The following NOTCH2 variants were observed in gnomAD, a reference collection of about 807,000 sequenced individuals.
NOTCH2 encodes notch receptor 2.
NOTCH2 carries 29 observed loss-of-function variants against 235.8 expected under a neutral mutation model. The ratio of observed to expected loss-of-function variants is 0.12; its 90% CI spans 0.09 to 0.17. NOTCH2 has a LOEUF of 0.17. Ranked by LOEUF, NOTCH2 falls within the 10% of genes least tolerant of loss-of-function variation. The probability of loss-of-function intolerance (pLI) is 1.00; values close to 1 mark genes in which losing one functional copy is unlikely to be tolerated. For missense variants in NOTCH2, 2,285 were observed against 3,150.2 expected, an observed-to-expected ratio of 0.73 and a Z score of 6.57; for synonymous variants, 1,086 against 1,141.5, an observed-to-expected ratio of 0.95 and a Z score of 0.98.
At chr1:120,023,261 C>T (rs1189671786) in intron 2 of NOTCH2, among the ~76,000 whole-genome samples, 16 of 150,982 alleles carry the variant, frequency 1.1e-4, no homozygotes, top group Admixed American at 3.3e-4. Context: ...CACAGTGAAA[C>T]CCCGTCTCTA....
chr1:119,942,732 C>G (rs1650104269), intron 17 of NOTCH2, among the ~76,000 whole-genome samples: 2 of 152,128 alleles, frequency 1.3e-5, no homozygotes, highest in Admixed American at 6.5e-5. Context: ...TAAAAATACT[C>G]AATATTTTGA....
intron 1 of NOTCH2, among the ~76,000 whole-genome samples, chr1:120,065,161 A>G (rs1284558707): frequency 2.0e-5 from 3 of 152,268 alleles, no homozygotes; most frequent in African/African-American, 7.2e-5. Context: ...ACAAGTTAAA[A>G]TGAAACATCT....
chr1:119,930,531 C>T (rs990833724), intron 22 of NOTCH2, among the ~76,000 whole-genome samples: 1 of 151,916 alleles, frequency 6.6e-6, no homozygotes, highest in African/African-American at 2.4e-5. Flanking sequence ...GTAATCCCAG[C>T]ACTTTGGGAG....
rs1185638983 is a variant in NOTCH2 at position 119,953,676 on chromosome 1, G to A, written c.2232C>T (p.Leu744=). 2 of 1,613,972 alleles carry A rather than the reference G, an allele frequency of 1.2e-6. No individual in the cohort carries two copies. Among genetic ancestry groups the A allele is most frequent in the Middle Eastern group, 1.6e-4 (1 of 6,084 alleles). ...TGATGCCAACCCAGCCTGCATCACAGAGACACTTATATCTGAAAGAAGACA... is the reference window on the plus strand; with the variant it reads ...TGATGCCAACCCAGCCTGCATCACAAAGACACTTATATCTGAAAGAAGACA... ...CTGGLSGYKC[L]CDAGWVGINC... Residue 744 remains leucine, a synonymous_variant, in exon 14 of 34, where the codon CTC becomes CTT. Coordinates refer to ENST00000256646, the MANE Select transcript of NOTCH2 (RefSeq NM_024408.4).
chr1:119,980,993 G>T (rs587615685), intron 5 of NOTCH2, among the ~76,000 whole-genome samples: 3 of 151,918 alleles, frequency 2.0e-5, no homozygotes, highest in African/African-American at 7.3e-5. Flanking sequence ...CATACTTCGG[G>T]TCCAAATCCT....
chr1:119,934,794 A>G (rs782613220), intron 22 of NOTCH2, among the ~76,000 whole-genome samples: 5 of 152,214 alleles, frequency 3.3e-5, no homozygotes, highest in Non-Finnish European at 5.9e-5. Context: ...AGGCCCCAGC[A>G]TAACTACATC....
At chr1:119,930,079 G>A (rs1649603674) in intron 22 of NOTCH2, among the ~76,000 whole-genome samples, 1 of 152,138 alleles carries the variant, frequency 6.6e-6, no homozygotes, top group Non-Finnish European at 1.5e-5. Context: ...TACTCTCTCT[G>A]TTTGTGTAAT....
chr1:119,973,161 C>T (rs587751969), intron 5 of NOTCH2, among the ~76,000 whole-genome samples: 1 of 152,330 alleles, frequency 6.6e-6, no homozygotes, highest in African/African-American at 2.4e-5. Context: ...TAATTAGCTA[C>T]TGGATGGATC....
intron 1 of NOTCH2, among the ~76,000 whole-genome samples, chr1:120,041,087 T>C (rs1654546581): frequency 1.8e-5 from 2 of 108,754 alleles, no homozygotes; most frequent in Non-Finnish European, 3.3e-5. Flanking sequence ...TATATATATA[T>C]ATATTCCTGA....
intron 1 of NOTCH2, among the ~76,000 whole-genome samples, chr1:120,067,685 C>T (rs1655561713): frequency 6.6e-6 from 1 of 152,148 alleles, no homozygotes; most frequent in African/African-American, 2.4e-5. Context: ...CCTCTCTATC[C>T]TAAAGCTACA....
At position 119,913,238 on chromosome 1, in the gene NOTCH2, C is replaced by A. The variant is rs1213789287; in HGVS notation, c.*2068G>T. ...AAAGCAGAGAATGAACAAACTTAAT[C>A]TGCTTATCTCAGGGCAGAAGTAATT... On this transcript the variant is annotated 3_prime_UTR_variant, in exon 34 of 34. Transcript: ENST00000256646. 2 of 233,158 alleles carry A rather than the reference C, an allele frequency of 8.6e-6. No individual in the cohort carries two copies. The highest frequency in any genetic ancestry group is 1.7e-5 in the Non-Finnish European group (2 of 118,042). The allele number at this position is 233,158 out of a possible 1,614,324, so 14.4% of individuals were successfully genotyped here.
chr1:119,969,970 T>G (rs998185996), intron 5 of NOTCH2, among the ~76,000 whole-genome samples: 2 of 152,132 alleles, frequency 1.3e-5, no homozygotes, highest in Non-Finnish European at 2.9e-5. Context: ...CGTTAGAAAC[T>G]CTAACAACAT....
Position 119,923,977 on chromosome 1 carries a change from T to C in NOTCH2, c.4519A>G (p.Lys1507Glu), listed in dbSNP as rs775624126. ...TCTTTGAAGTGGTCTGCACAGTATTTGTCATACCTAGGTAAGGGGAAGCAG... is the reference window on the plus strand; with the variant it reads ...TCTTTGAAGTGGTCTGCACAGTATTCGTCATACCTAGGTAAGGGGAAGCAG... Reference protein sequence around the residue: ...QGNSKTCKYDKYCADHFKDNH... With the variant: ...QGNSKTCKYDEYCADHFKDNH... Residue 1507 changes from lysine to glutamate, a missense_variant, in exon 26 of 34, where the codon AAA becomes GAA. By Grantham distance (56) the Lys-to-Glu change is moderately conservative (BLOSUM62 1). Around this residue, in one of 6 missense-constraint regions of NOTCH2, gnomAD observed 1,173 missense variants for 1,515.3 expected, o/e 0.77. Transcript: ENST00000256646. The C allele has an allele frequency of 1.2e-6, 2 of 1,613,338 alleles. No homozygotes were observed. The highest frequency in any genetic ancestry group is 3.3e-5 in the Admixed American group (2 of 60,006).
intron 2 of NOTCH2, among the ~76,000 whole-genome samples, chr1:120,025,911 C>T (rs1382602491): frequency 7.9e-6 from 1 of 127,084 alleles, no homozygotes; most frequent in African/African-American, 3.6e-5. Flanking sequence ...TTAATGACAT[C>T]AAATTTAATT....
intron 15 of NOTCH2, 126 bp downstream of exon 15, chr1:119,950,598 G>A (rs373847869): frequency 5.4e-6 from 4 of 745,232 alleles, no homozygotes; most frequent in Admixed American, 3.7e-5. Context: ...AAGGCAGGAA[G>A]GACAACTGAG....
At chr1:120,048,086 T>C (rs1242596891) in intron 1 of NOTCH2, among the ~76,000 whole-genome samples, 1 of 151,348 alleles carries the variant, frequency 6.6e-6, no homozygotes, top group African/African-American at 2.4e-5. Flanking sequence ...CTTACCTTTC[T>C]AAGGCCTACA....
rs1370597537 is a variant in NOTCH2, at chr1:119,925,314, T to C, written c.4502A>G (p.Lys1501Arg). The change falls in exon 25 of 34, where the codon AAG becomes AGG. Residue 1501 changes from lysine to arginine, a missense_variant. By Grantham distance (26) the Lys-to-Arg change is conservative. Transcript: ENST00000256646. ...AACGTGAAGCCCTTACTTGCATGTC[T>C]TGCTGTTCCCCTGGCATTCAAAGTT... is the stretch of plus-strand genomic sequence containing the variant. ...FDNFECQGNS[K>R]TCKYDKYCAD... 1 of 1,613,856 alleles carries C rather than the reference T, an allele frequency of 6.2e-7. No individual in the cohort carries two copies. The highest frequency in any genetic ancestry group is 8.5e-7 in the Non-Finnish European group (1 of 1,180,028).
At chr1:119,928,491 C>T (rs1393487676) in intron 23 of NOTCH2, among the ~76,000 whole-genome samples, 3 of 152,050 alleles carry the variant, frequency 2.0e-5, no homozygotes, top group African/African-American at 4.8e-5. Context: ...GTGAAGAAAC[C>T]GGAGTTAGAC....
At chr1:120,000,827 A>G (rs1471658537) in intron 3 of NOTCH2, among the ~76,000 whole-genome samples, 1 of 152,188 alleles carries the variant, frequency 6.6e-6, no homozygotes, top group Non-Finnish European at 1.5e-5. Flanking sequence ...CATCATCGTC[A>G]TGATGGAGAT....
Sources: allele counts gnomAD v4.1 joint callset (sites outside exome capture counted in the v4.1 genomes callset), GRCh38; gene constraint gnomAD v4.1.1; regional missense constraint gnomAD v4.1.1; transcripts MANE v1.5; gene names NCBI Gene and HGNC (gene_info 2026-07-23, HGNC 2026-07-21).